CGNL1: variants seen among roughly 807,000 people sequenced by gnomAD.
CGNL1 encodes cingulin-like protein 1.
Under a neutral mutation model 141.2 loss-of-function variants are expected in CGNL1, and 132 were observed. The ratio of observed to expected loss-of-function variants is 0.93; its 90% CI spans 0.81 to 1.08. CGNL1 has a LOEUF of 1.08. Ranked by LOEUF, CGNL1 falls within the 50% of genes least tolerant of loss-of-function variation. CGNL1 has a pLI of 0.00. For synonymous variants in CGNL1, 690 were observed against 622.1 expected (o/e 1.11, Z -1.63); for missense variants, 1,870 against 1,588.6 (o/e 1.18, Z -3.01).
At chr15:57,384,640 T>G (rs1218082454) in intron 1 of CGNL1, among the ~76,000 whole-genome samples, 1 of 151,480 alleles carries the variant, frequency 6.6e-6, no homozygotes, top group Non-Finnish European at 1.5e-5. Flanking sequence ...ATAAGTGCTC[T>G]TTGTTTATGT....
intron 8 of CGNL1, among the ~76,000 whole-genome samples, chr15:57,468,234 C>CTT (rs57360097): frequency 1.6e-4 from 14 of 85,914 alleles, no homozygotes; most frequent in African/African-American, 6.6e-4. Flanking sequence ...TTTTCTTTTT[C>CTT]TTTTTTTTTT....
chr15:57,460,873 G>A (rs1169398221), intron 7 of CGNL1, among the ~76,000 whole-genome samples: 3 of 152,132 alleles, frequency 2.0e-5, no homozygotes, highest in South Asian at 2.1e-4. Context: ...GGGACAGTGC[G>A]TTCTCTGTGG....
intron 8 of CGNL1, among the ~76,000 whole-genome samples, chr15:57,497,808 G>A (rs1446517679): frequency 2.0e-5 from 3 of 152,202 alleles, no homozygotes; most frequent in Non-Finnish European, 4.4e-5. Context: ...CACGGGCGGC[G>A]GCCTGTAGGA....
intron 8 of CGNL1, chr15:57,477,367 T>G (rs1233298794): frequency 6.6e-6 from 1 of 152,176 alleles, no homozygotes; most frequent in African/African-American, 2.4e-5. Flanking sequence ...CAACGAAGAC[T>G]TAGATGCTAG....
chr15:57,474,812 A>G (rs1253828182), intron 8 of CGNL1, among the ~76,000 whole-genome samples: 3 of 152,254 alleles, frequency 2.0e-5, no homozygotes, highest in East Asian at 1.9e-4. Context: ...ATGGAGTAAG[A>G]GGAAAACTTT....
chr15:57,418,829 C>T (rs2062879885), intron 1 of CGNL1, among the ~76,000 whole-genome samples: 1 of 152,144 alleles, frequency 6.6e-6, no homozygotes, highest in Non-Finnish European at 1.5e-5. Context: ...AGTTTCTCTG[C>T]GCTGGCCGTC....
chr15:57,503,061 G>A (rs1404296891), intron 8 of CGNL1, among the ~76,000 whole-genome samples: 3 of 152,228 alleles, frequency 2.0e-5, no homozygotes, highest in Non-Finnish European at 4.4e-5. Context: ...TGCTTTTAGC[G>A]TGTGACTAGG....
At chr15:57,474,457 C>T (rs1263015969) in intron 8 of CGNL1, among the ~76,000 whole-genome samples, 1 of 152,156 alleles carries the variant, frequency 6.6e-6, no homozygotes, top group East Asian at 1.9e-4. Context: ...ATATGTCATG[C>T]TCCTCATCTT....
At chr15:57,403,824 C>T (rs1014271914) in intron 1 of CGNL1, among the ~76,000 whole-genome samples, 5 of 152,192 alleles carry the variant, frequency 3.3e-5, no homozygotes, top group African/African-American at 1.2e-4. Flanking sequence ...CACTCCTGCT[C>T]TGTACAAGGG....
At chr15:57,487,557 A>G (rs1208319910) in intron 8 of CGNL1, among the ~76,000 whole-genome samples, 1 of 152,214 alleles carries the variant, frequency 6.6e-6, no homozygotes, top group Non-Finnish European at 1.5e-5. Context: ...GGTTGTTACC[A>G]AATGAATCTA....
At chr15:57,515,189 A>G (rs1048136860) in intron 8 of CGNL1, among the ~76,000 whole-genome samples, 5 of 152,198 alleles carry the variant, frequency 3.3e-5, no homozygotes, top group African/African-American at 1.2e-4. Flanking sequence ...CGATATCCTG[A>G]TAGACCTGAG....
chr15:57,546,972 A>T (rs540446827), intron 18 of CGNL1, among the ~76,000 whole-genome samples: 1 of 152,202 alleles, frequency 6.6e-6, no homozygotes, highest in Non-Finnish European at 1.5e-5. Flanking sequence ...AGCATTTAAG[A>T]GGGCACCAAA....
At chr15:57,450,275 G>A (rs2063306224) in intron 4 of CGNL1, among the ~76,000 whole-genome samples, 1 of 151,922 alleles carries the variant, frequency 6.6e-6, no homozygotes, top group Non-Finnish European at 1.5e-5. Context: ...GTATCTCGTT[G>A]GTTTGTCTGT....
At chr15:57,381,706 T>C (rs2062426814) in intron 1 of CGNL1, among the ~76,000 whole-genome samples, 1 of 152,230 alleles carries the variant, frequency 6.6e-6, no homozygotes, top group African/African-American at 2.4e-5. Flanking sequence ...GCCTTGTTTA[T>C]TTTTTAACAT....
intron 8 of CGNL1, among the ~76,000 whole-genome samples, chr15:57,487,151 T>C (rs546162074): frequency 6.6e-5 from 10 of 152,334 alleles, no homozygotes; most frequent in African/African-American, 2.4e-4. Flanking sequence ...AGACAGTTTA[T>C]TGTATGTGTG....
intron 8 of CGNL1, among the ~76,000 whole-genome samples, chr15:57,509,147 T>A (rs1041320451): frequency 6.6e-6 from 1 of 152,072 alleles, no homozygotes; most frequent in African/African-American, 2.4e-5. Context: ...ACAGACATGA[T>A]GGTGAGAAGA....
At chr15:57,535,917 C>T (rs1352191880) in intron 14 of CGNL1, among the ~76,000 whole-genome samples, 1 of 152,164 alleles carries the variant, frequency 6.6e-6, no homozygotes, top group Non-Finnish European at 1.5e-5. Flanking sequence ...TTCTCTTATG[C>T]ATACATTTGG....
At chr15:57,464,627 C>G (rs147680566) in intron 8 of CGNL1, among the ~76,000 whole-genome samples, 29 of 152,092 alleles carry the variant, frequency 1.9e-4, no homozygotes, top group African/African-American at 7.0e-4. Context: ...TAGTATTATT[C>G]TTTGAATTTC....
chr15:57,523,715 G>T, intron 11 of CGNL1, 74 bp downstream of exon 11: 2 of 1,540,992 alleles, frequency 1.3e-6, no homozygotes, highest in Admixed American at 3.7e-5. Flanking sequence ...TGAGGGTCTG[G>T]TGAAAGCCTG....
Sources: allele counts gnomAD v4.1 joint callset (sites outside exome capture counted in the v4.1 genomes callset), GRCh38; gene constraint gnomAD v4.1.1; transcripts MANE v1.5; gene names NCBI Gene and HGNC (gene_info 2026-07-23, HGNC 2026-07-21).